Variants in KCNMB2 observed in about 807,000 individuals in gnomAD.
The protein encoded by KCNMB2 is potassium calcium-activated channel subfamily M regulatory beta subunit 2.
Under a neutral mutation model 24.5 loss-of-function variants are expected in KCNMB2, and 9 were observed. That is an observed-to-expected ratio of 0.37 (90% CI 0.22 to 0.64). KCNMB2 has a LOEUF of 0.64. KCNMB2 is among the 30% of genes least tolerant of loss of function. KCNMB2 has a pLI of 0.63. For synonymous variants in KCNMB2, 109 were observed against 104.4 expected (o/e 1.04, Z -0.27); for missense variants, 226 against 284.3 (o/e 0.79, Z 1.47).
intron 1 of KCNMB2, among the ~76,000 whole-genome samples, chr3:178,711,226 ACC>A (rs1722442969): frequency 6.6e-6 from 1 of 152,224 alleles, no homozygotes; most frequent in Non-Finnish European, 1.5e-5. Context: ...ACTCTTTACC[ACC>A]ATGCCATACT....
At chr3:178,785,226 C>T (rs1224319230) in intron 1 of KCNMB2, among the ~76,000 whole-genome samples, 1 of 151,946 alleles carries the variant, frequency 6.6e-6, no homozygotes, top group Non-Finnish European at 1.5e-5. Context: ...TTAGGCAATG[C>T]TAATTTTTTG....
Position 178,825,644 on chromosome 3 carries a change from C to T in KCNMB2, c.113C>T (p.Thr38Ile). ...CTCCTGGACAAAAGGAAAACAGTCA[C>T]AGCACTGAAGGCAGGAGAGGACCGA... ...HDLLDKRKTVTALKAGEDRAI... is the reference protein window; with the variant it reads ...HDLLDKRKTVIALKAGEDRAI... The change falls in exon 3 of 5, where the codon ACA (threonine) becomes ATA (isoleucine). Residue 38 changes from threonine to isoleucine, a missense_variant. Coordinates refer to ENST00000452583, the MANE Select transcript of KCNMB2 (RefSeq NM_181361.3). The T allele has an allele frequency of 6.2e-7, 1 of 1,614,012 alleles. No homozygotes were observed. The highest frequency in any genetic ancestry group is 8.5e-7 in the Non-Finnish European group (1 of 1,179,878).
At chr3:178,556,852 A>G (rs980079074) in intron 1 of KCNMB2, among the ~76,000 whole-genome samples, 1 of 152,230 alleles carries the variant, frequency 6.6e-6, no homozygotes, top group African/African-American at 2.4e-5. Flanking sequence ...AGCATGAAGC[A>G]TAAGGGACTG....
intron 1 of KCNMB2, among the ~76,000 whole-genome samples, chr3:178,580,208 T>C (rs1480086567): frequency 2.0e-5 from 3 of 152,134 alleles, no homozygotes; most frequent in African/African-American, 7.2e-5. Context: ...GGATGCAAGG[T>C]TGGTTCAACA....
At chr3:178,778,284 T>C (rs1423298384) in intron 1 of KCNMB2, among the ~76,000 whole-genome samples, 2 of 152,056 alleles carry the variant, frequency 1.3e-5, no homozygotes, top group Non-Finnish European at 2.9e-5. Flanking sequence ...AAAGAGCTAC[T>C]CAGTCGAATT....
chr3:178,675,119 G>A (rs1375898199), intron 1 of KCNMB2, among the ~76,000 whole-genome samples: 3 of 152,150 alleles, frequency 2.0e-5, no homozygotes, highest in Non-Finnish European at 2.9e-5. Flanking sequence ...GTAAATGTCT[G>A]TAAATGTTGA....
intron 1 of KCNMB2, among the ~76,000 whole-genome samples, chr3:178,546,019 T>C (rs1715761438): frequency 6.6e-6 from 1 of 152,116 alleles, no homozygotes; most frequent in African/African-American, 2.4e-5. Context: ...AGGTAACTGT[T>C]TGCTTTGAAA....
intron 1 of KCNMB2, among the ~76,000 whole-genome samples, chr3:178,659,794 A>G (rs1720463038): frequency 6.6e-6 from 1 of 152,254 alleles, no homozygotes; most frequent in South Asian, 2.1e-4. Context: ...CACATGGCCC[A>G]TTATAGTTCC....
intron 1 of KCNMB2, among the ~76,000 whole-genome samples, chr3:178,773,042 T>A (rs982600626): frequency 1.3e-5 from 2 of 152,204 alleles, no homozygotes; most frequent in African/African-American, 4.8e-5. Flanking sequence ...TACTTTTTGT[T>A]CTTGGACCTC....
chr3:178,836,166 A>G (rs1184519118), intron 4 of KCNMB2, among the ~76,000 whole-genome samples: 2 of 152,038 alleles, frequency 1.3e-5, no homozygotes, highest in Non-Finnish European at 2.9e-5. Flanking sequence ...CCTTCCCCAC[A>G]TCTTTTATTT....
At chr3:178,569,786 C>T (rs1716704413) in intron 1 of KCNMB2, among the ~76,000 whole-genome samples, 2 of 152,150 alleles carry the variant, frequency 1.3e-5, no homozygotes, top group Admixed American at 6.6e-5. Flanking sequence ...AAAGTCAGCC[C>T]TTCTGTCTCA....
intron 1 of KCNMB2, among the ~76,000 whole-genome samples, chr3:178,563,212 T>C (rs1394381658): frequency 6.6e-6 from 1 of 152,234 alleles, no homozygotes; most frequent in Non-Finnish European, 1.5e-5. Context: ...TTAGCTTCTC[T>C]TTAGGGGCTA....
chr3:178,718,313 A>C (rs1722685152), intron 1 of KCNMB2, among the ~76,000 whole-genome samples: 1 of 152,234 alleles, frequency 6.6e-6, no homozygotes, highest in South Asian at 2.1e-4. Flanking sequence ...CCCTGTATGC[A>C]GGTAAAAACC....
chr3:178,545,122 G>A (rs1715735167), intron 1 of KCNMB2, among the ~76,000 whole-genome samples: 1 of 152,096 alleles, frequency 6.6e-6, no homozygotes, highest in South Asian at 2.1e-4. Flanking sequence ...TCTTATAGAA[G>A]GGGAAGGAAA....
chr3:178,676,557 T>C (rs996329794), intron 1 of KCNMB2, among the ~76,000 whole-genome samples: 1 of 152,146 alleles, frequency 6.6e-6, no homozygotes, highest in African/African-American at 2.4e-5. Flanking sequence ...TGGGTTTGAA[T>C]TTTACCACCT....
In KCNMB2 at chr3:178,617,994, AATC is replaced by A. The variant is rs369760730; in HGVS notation, c.-68+81286_-68+81288del. On this transcript the variant is annotated intron_variant, in intron 1 of 4. Coordinates refer to ENST00000452583, the MANE Select transcript of KCNMB2 (RefSeq NM_181361.3). Reference sequence around the variant, plus strand: ...CATTGTAGATATGCCTATAGACAAAAATCATATGCAGATAGATAGATTTTTAAT... The same window carrying A: ...CATTGTAGATATGCCTATAGACAAAAATATGCAGATAGATAGATTTTTAAT... 6.4e-4 allele frequency among the ~76,000 whole-genome samples: 97 copies of A among 152,196 alleles called. 1 individual carries two copies. In the East Asian group the frequency reaches 0.01, roughly 16 times the overall value.
In KCNMB2 at chr3:178,831,117, T is replaced by TTGTG. The variant is rs1389427002; in HGVS notation, c.423+2745_423+2746insGTGT. Reference sequence around the variant, plus strand: ...TGGATCAAGTTTCTTTTTTGTTTGTTTTTTCATATGGACACCCACGTGCTC... The same window carrying TTGTG: ...TGGATCAAGTTTCTTTTTTGTTTGTTTGTGTTTTCATATGGACACCCACGTGCTC... On this transcript the variant is annotated intron_variant, in intron 4 of 4. Transcript: ENST00000452583. Among the ~76,000 whole-genome samples, 120 of 152,044 alleles carry TTGTG rather than the reference T, an allele frequency of 7.9e-4. 1 individual carries two copies. The highest frequency in any genetic ancestry group is 2.8e-3 in the African/African-American group (116 of 41,442).
chr3:178,660,901 A>G (rs1164075985), intron 1 of KCNMB2, among the ~76,000 whole-genome samples: 1 of 152,126 alleles, frequency 6.6e-6, no homozygotes, highest in Non-Finnish European at 1.5e-5. Context: ...TTCTTCAGAC[A>G]GATCCTTCTA....
At position 178,810,017 on chromosome 3, in the gene KCNMB2, C is replaced by CTT. The variant is rs71300413; in HGVS notation, c.56+2560_56+2561dup. 4.6e-5 allele frequency among the ~76,000 whole-genome samples: 7 copies of CTT among 150,956 alleles called. No homozygotes were observed. The East Asian group carries it at 5.8e-4, about 13-fold the overall frequency. Reference sequence around the variant, plus strand: ...AATGTTGGAAGTTAATTTGTCTGTGCTTTTTTTTTGACCACATCTTCGTCT... The same window carrying CTT: ...AATGTTGGAAGTTAATTTGTCTGTGCTTTTTTTTTTTGACCACATCTTCGTCT... On this transcript the variant is annotated intron_variant, in intron 2 of 4. Coordinates refer to ENST00000452583, the MANE Select transcript of KCNMB2 (RefSeq NM_181361.3).
Sources: allele counts gnomAD v4.1 joint callset (sites outside exome capture counted in the v4.1 genomes callset), GRCh38; gene constraint gnomAD v4.1.1; transcripts MANE v1.5; gene names NCBI Gene and HGNC (gene_info 2026-07-23, HGNC 2026-07-21).